SNTB1: variants seen among roughly 807,000 people sequenced by gnomAD.
SNTB1 encodes beta-1-syntrophin.
A neutral mutation model predicts 48.9 loss-of-function variants in SNTB1; 36 were observed. The observed-to-expected ratio is 0.74, with a 90% CI of 0.56 to 0.97. SNTB1 has a LOEUF of 0.97. Ranked by LOEUF, SNTB1 falls within the 50% of genes least tolerant of loss-of-function variation. The probability of loss-of-function intolerance (pLI) is 0.00; values close to 1 mark genes in which losing one functional copy is unlikely to be tolerated. For missense variants in SNTB1, 786 were observed against 703.4 expected (o/e 1.12, Z -1.33); for synonymous variants, 299 against 294.6 (o/e 1.01, Z -0.15).
At chr8:120,637,564 T>A in intron 2 of SNTB1, 1 of 201,034 alleles carries the variant, frequency 5.0e-6, no homozygotes. Flanking sequence ...CCTGCAATAA[T>A]AACACAAAGT....
At chr8:120,751,647 A>G (rs1819216151) in intron 1 of SNTB1, among the ~76,000 whole-genome samples, 1 of 152,114 alleles carries the variant, frequency 6.6e-6, no homozygotes, top group African/African-American at 2.4e-5. Flanking sequence ...ACTATTATAT[A>G]TACATTTATA....
At position 120,698,507 on chromosome 8, in the gene SNTB1, A is replaced by C. The variant is rs149366873; in HGVS notation, c.572-4599T>G. ...CATCCAGGAGTCCTGATTTTTTTTG[A>C]TATGTATAGAAAATGAAGAAGTTTG... On this transcript the variant is annotated intron_variant, in intron 1 of 6. Coordinates refer to ENST00000517992, the MANE Select transcript of SNTB1 (RefSeq NM_021021.4). Among the ~76,000 whole-genome samples, 573 of 151,786 alleles carry C rather than the reference A, an allele frequency of 3.8e-3. 4 individuals are homozygous for C. The highest frequency in any genetic ancestry group is 0.013 in the African/African-American group (545 of 41,428).
chr8:120,731,268 A>G (rs1226925809), intron 1 of SNTB1, among the ~76,000 whole-genome samples: 1 of 152,264 alleles, frequency 6.6e-6, no homozygotes, highest in Non-Finnish European at 1.5e-5. Flanking sequence ...TCAAGAGGAA[A>G]GAAAAGAAAA....
chr8:120,722,656 G>A (rs1386260543), intron 1 of SNTB1, among the ~76,000 whole-genome samples: 2 of 152,166 alleles, frequency 1.3e-5, no homozygotes, highest in Non-Finnish European at 2.9e-5. Flanking sequence ...TTTGTCAGAT[G>A]AGTAGATTGC....
chr8:120,793,829 C>A (rs920093930), intron 1 of SNTB1, among the ~76,000 whole-genome samples: 1 of 152,048 alleles, frequency 6.6e-6, no homozygotes, highest in South Asian at 2.1e-4. Context: ...GCTGCCAAAA[C>A]CCCCCAAAAT....
At chr8:120,727,546 T>C (rs73710003) in intron 1 of SNTB1, among the ~76,000 whole-genome samples, 5,105 of 152,236 alleles carry the variant, frequency 0.034, 302 homozygotes, top group African/African-American at 0.12. Context: ...TGCCTAGCAA[T>C]AGTAATACTC....
At chr8:120,765,912 A>G (rs1258682982) in intron 1 of SNTB1, 1 of 152,210 alleles carries the variant, frequency 6.6e-6, no homozygotes, top group Non-Finnish European at 1.5e-5. Flanking sequence ...TCATAAATTC[A>G]TGGAGCCACA....
rs58873007 is a variant in SNTB1, at chr8:120,654,039, C to CAAAAAAAAAAAAAAAAAAA, written c.789-21407_789-21389dup. ...TGGGAGACAGAGCGAGACTCTGCCT[C>CAAAAAAAAAAAAAAAAAAA]AAAAAAAAAAAAAAAAAAAAAAAAA... is the stretch of plus-strand genomic sequence containing the variant. On this transcript the variant is annotated intron_variant, in intron 2 of 6. Coordinates refer to ENST00000517992, the MANE Select transcript of SNTB1 (RefSeq NM_021021.4). 4.0e-4 allele frequency among the ~76,000 whole-genome samples: 10 copies of CAAAAAAAAAAAAAAAAAAA among 25,178 alleles called. 3 individuals carry two copies. Among genetic ancestry groups the CAAAAAAAAAAAAAAAAAAA allele is most frequent in the Non-Finnish European group, 2.7e-4 (4 of 14,870 alleles). The allele number at this position is 25,178 out of a possible 152,430, so 16.5% of individuals were successfully genotyped here.
At chr8:120,565,447 C>T (rs556225125) in intron 4 of SNTB1, among the ~76,000 whole-genome samples, 8 of 152,262 alleles carry the variant, frequency 5.3e-5, no homozygotes, top group African/African-American at 1.7e-4. Context: ...TGGTAAGTAG[C>T]AAGGCTGGGA....
chr8:120,666,836 G>A (rs1817679899), intron 2 of SNTB1, among the ~76,000 whole-genome samples: 1 of 151,884 alleles, frequency 6.6e-6, no homozygotes, highest in Non-Finnish European at 1.5e-5. Context: ...TTTTTGCTAT[G>A]AATGCCATTT....
intron 3 of SNTB1, among the ~76,000 whole-genome samples, chr8:120,582,903 T>G (rs766734827): frequency 1.4e-4 from 22 of 152,110 alleles, no homozygotes; most frequent in Non-Finnish European, 3.1e-4. Flanking sequence ...TAGCATGTTC[T>G]GCACATGTAT....
At chr8:120,550,559 A>AG (rs1470330084) in intron 4 of SNTB1, among the ~76,000 whole-genome samples, 1 of 151,498 alleles carries the variant, frequency 6.6e-6, no homozygotes, top group African/African-American at 2.4e-5. Flanking sequence ...AAAAAAAAAA[A>AG]AAAGAGAGAT....
intron 1 of SNTB1, among the ~76,000 whole-genome samples, chr8:120,749,851 T>C (rs1819182358): frequency 6.6e-6 from 1 of 152,130 alleles, no homozygotes; most frequent in African/African-American, 2.4e-5. Context: ...TAACTCCTCA[T>C]GAGTCTAGAT....
intron 2 of SNTB1, among the ~76,000 whole-genome samples, chr8:120,682,693 T>C (rs1259266871): frequency 6.6e-6 from 1 of 152,068 alleles, no homozygotes; most frequent in East Asian, 1.9e-4. Context: ...TACTGACATG[T>C]ATGTAGGTGG....
intron 1 of SNTB1, among the ~76,000 whole-genome samples, chr8:120,752,453 A>C (rs1390981317): frequency 6.6e-6 from 1 of 152,142 alleles, no homozygotes; most frequent in Non-Finnish European, 1.5e-5. Context: ...ATATATCTAA[A>C]GGAAAATCAA....
At chr8:120,732,570 C>T (rs1026307088) in intron 1 of SNTB1, among the ~76,000 whole-genome samples, 14 of 152,172 alleles carry the variant, frequency 9.2e-5, no homozygotes, top group Non-Finnish European at 1.3e-4. Flanking sequence ...CACTTGCAGG[C>T]GGCCACTCAA....
At chr8:120,623,392 C>T (rs1816823520) in intron 3 of SNTB1, among the ~76,000 whole-genome samples, 1 of 152,210 alleles carries the variant, frequency 6.6e-6, no homozygotes, top group South Asian at 2.1e-4. Context: ...CTACACTGCA[C>T]CTAGTCCTCA....
intron 1 of SNTB1, among the ~76,000 whole-genome samples, chr8:120,806,307 A>G (rs1820336450): frequency 6.6e-6 from 1 of 152,218 alleles, no homozygotes; most frequent in Non-Finnish European, 1.5e-5. Flanking sequence ...TCACAGTGAA[A>G]GGCTTGTCTA....
intron 2 of SNTB1, among the ~76,000 whole-genome samples, chr8:120,639,750 G>A (rs899204890): frequency 2.6e-5 from 4 of 152,106 alleles, no homozygotes; most frequent in Non-Finnish European, 5.9e-5. Flanking sequence ...CTCTGTTTTA[G>A]TACCAGTACC....
Sources: allele counts gnomAD v4.1 joint callset (sites outside exome capture counted in the v4.1 genomes callset), GRCh38; gene constraint gnomAD v4.1.1; transcripts MANE v1.5; gene names NCBI Gene and HGNC (gene_info 2026-07-23, HGNC 2026-07-21).